The following LMNTD1 variants were observed in gnomAD, a reference collection of about 807,000 sequenced individuals.
LMNTD1 encodes lamin tail domain-containing protein 1.
Under a neutral mutation model 50.9 loss-of-function variants are expected in LMNTD1, and 35 were observed. That is an observed-to-expected ratio of 0.69 (90% CI 0.53 to 0.91). The LOEUF is 0.91. LMNTD1 is among the 40% of genes least tolerant of loss of function. The pLI, the probability that LMNTD1 is intolerant of heterozygous loss-of-function variation, is 0.00. For missense variants in LMNTD1, 470 were observed against 475.5 expected (o/e 0.99, Z 0.11); for synonymous variants, 153 against 161.9 (o/e 0.94, Z 0.42).
intron 1 of LMNTD1, among the ~76,000 whole-genome samples, chr12:25,627,881 G>A (rs976133088): frequency 2.0e-5 from 3 of 151,790 alleles, no homozygotes; most frequent in African/African-American, 4.8e-5. Context: ...AGGCCGAGAC[G>A]GGCGGATCAC....
chr12:25,644,110 A>C (rs138359100), intron 1 of LMNTD1, among the ~76,000 whole-genome samples: 3 of 152,224 alleles, frequency 2.0e-5, no homozygotes, highest in African/African-American at 7.2e-5. Context: ...TGAAAACAGG[A>C]GAAGTGCACA....
At chr12:25,648,533 C>T (rs571949397) in exon 1 of LMNTD1, 4 of 1,551,692 alleles carry the variant, frequency 2.6e-6, no homozygotes, top group African/African-American at 1.4e-5. Flanking sequence ...ATGTCTCCTG[C>T]TCTCACTGGC....
intron 1 of LMNTD1, among the ~76,000 whole-genome samples, chr12:25,567,618 G>A (rs1374810858): frequency 1.3e-5 from 2 of 152,094 alleles, no homozygotes; most frequent in East Asian, 1.9e-4. Context: ...TCCCCTTGGT[G>A]ACAAGTTGGT....
chr12:25,510,414 G>A (rs1281061683), intron 8 of LMNTD1, among the ~76,000 whole-genome samples: 1 of 151,998 alleles, frequency 6.6e-6, no homozygotes, highest in African/African-American at 2.4e-5. Context: ...GTACATAGAT[G>A]TGGTTTCCTT....
intron 4 of LMNTD1, among the ~76,000 whole-genome samples, chr12:25,542,165 G>A (rs1348762607): frequency 1.3e-5 from 2 of 151,950 alleles, no homozygotes; most frequent in South Asian, 2.1e-4. Context: ...TCAGTGTGGC[G>A]ATTCCTCAGG....
chr12:25,497,047 T>A lies in LMNTD1; in HGVS notation c.*22+6691A>T, dbSNP rs114838195. ...AGCATGTATTAGAACTTCATTTTTT[T>A]AATAACTGAATAACATTTCATTGTA... On this transcript the variant is annotated intron_variant, in intron 9 of 9. Transcript: ENST00000458174. 8.6e-3 allele frequency among the ~76,000 whole-genome samples: 1,308 copies of A among 152,290 alleles called. 23 individuals carry two copies. Among genetic ancestry groups the A allele is most frequent in the African/African-American group, 0.029 (1,212 of 41,572 alleles).
intron 8 of LMNTD1, among the ~76,000 whole-genome samples, chr12:25,512,955 T>C (rs1940421019): frequency 6.6e-6 from 1 of 152,202 alleles, no homozygotes; most frequent in South Asian, 2.1e-4. Flanking sequence ...TTTTAGTTTG[T>C]TGTGAACACC....
chr12:25,502,677 G>C (rs974569295), intron 9 of LMNTD1, among the ~76,000 whole-genome samples: 3 of 152,334 alleles, frequency 2.0e-5, no homozygotes, highest in East Asian at 3.9e-4. Context: ...GTCTGTGAAG[G>C]AGGCTTTGAA....
At chr12:25,587,608 C>A (rs892367738) in intron 1 of LMNTD1, among the ~76,000 whole-genome samples, 2 of 152,210 alleles carry the variant, frequency 1.3e-5, no homozygotes, top group Non-Finnish European at 2.9e-5. Flanking sequence ...GAGAAATCTG[C>A]CCCCCATGAT....
chr12:25,484,656 C>T (rs11048067), intron 9 of LMNTD1, among the ~76,000 whole-genome samples: 1 of 110,860 alleles, frequency 9.0e-6, no homozygotes. Context: ...CCTCCCCCCT[C>T]CCCCCACCCC....
chr12:25,557,921 T>G (rs762627635), upstream of LMNTD1, among the ~76,000 whole-genome samples: 3 of 152,232 alleles, frequency 2.0e-5, no homozygotes, highest in African/African-American at 7.2e-5. Flanking sequence ...GGAGAACAAT[T>G]TGAATTGAGA....
chr12:25,515,719 G>A (rs938544075), intron 8 of LMNTD1, among the ~76,000 whole-genome samples: 2 of 152,056 alleles, frequency 1.3e-5, no homozygotes, highest in Non-Finnish European at 2.9e-5. Flanking sequence ...AATACAGTGT[G>A]TAGATGTTTC....
chr12:25,477,117 A>C (rs1039881121), intron 9 of LMNTD1, among the ~76,000 whole-genome samples: 10 of 152,242 alleles, frequency 6.6e-5, no homozygotes, highest in Non-Finnish European at 1.2e-4. Context: ...AATGTAGGCT[A>C]TATGAACGTT....
chr12:25,561,500 G>C (rs145898786), intron 1 of LMNTD1, among the ~76,000 whole-genome samples: 241 of 152,320 alleles, frequency 1.6e-3, no homozygotes, highest in African/African-American at 5.5e-3. Context: ...ACTGTGGTCT[G>C]AGAGATAGTT....
rs189399124 is a variant in LMNTD1, at chr12:25,626,964, T to A, written c.58+21530A>T. Among the ~76,000 whole-genome samples, 31 of 152,352 alleles carry A rather than the reference T, an allele frequency of 2.0e-4. No individual in the cohort carries two copies. In the East Asian group the frequency reaches 5.8e-3, roughly 28 times the overall value. The stretch of plus-strand genomic sequence containing the variant: ...AATGTTTGATGCACTCTTGCACTGT[T>A]TTTATAGAATAGTAGTAAATCAGTA... On this transcript the variant is annotated intron_variant, in intron 1 of 7. Coordinates refer to the LMNTD1 transcript ENST00000445693.
At chr12:25,528,586 C>T (rs1471262758) in intron 4 of LMNTD1, among the ~76,000 whole-genome samples, 1 of 152,186 alleles carries the variant, frequency 6.6e-6, no homozygotes, top group Admixed American at 6.5e-5. Context: ...TCTCTATTCT[C>T]ACTCTTGACA....
intron 1 of LMNTD1, among the ~76,000 whole-genome samples, chr12:25,588,509 A>G (rs1232496727): frequency 2.0e-5 from 3 of 152,154 alleles, no homozygotes; most frequent in Admixed American, 2.0e-4. Context: ...AAAATAACAT[A>G]CAGTTCAAAA....
chr12:25,634,358 C>A (rs1163119829), intron 1 of LMNTD1, among the ~76,000 whole-genome samples: 1 of 152,116 alleles, frequency 6.6e-6, no homozygotes, highest in African/African-American at 2.4e-5. Flanking sequence ...ACCCTAATAC[C>A]AAAACCAGGA....
chr12:25,590,338 T>C (rs180824399), intron 1 of LMNTD1, among the ~76,000 whole-genome samples: 1 of 152,178 alleles, frequency 6.6e-6, no homozygotes, highest in African/African-American at 2.4e-5. Context: ...ATGCCCACCA[T>C]GGAGAGAGCA....
Sources: allele counts gnomAD v4.1 joint callset (sites outside exome capture counted in the v4.1 genomes callset), GRCh38; gene constraint gnomAD v4.1.1; transcripts MANE v1.5; gene names NCBI Gene and HGNC (gene_info 2026-07-23, HGNC 2026-07-21).